Variants in MAST4 observed in about 807,000 individuals in gnomAD.
The protein encoded by MAST4 is microtubule associated serine/threonine kinase family member 4, also known as microtubule-associated serine/threonine-protein kinase 4.
A neutral mutation model predicts 162.7 loss-of-function variants in MAST4; 89 were observed. That is an observed-to-expected ratio of 0.55 (90% CI 0.46 to 0.65). MAST4 has a LOEUF of 0.65. MAST4 is among the 30% of genes least tolerant of loss of function. MAST4 has a pLI of 0.00. For synonymous variants in MAST4, 1,479 were observed against 1,361.1 expected (o/e 1.09, Z -1.91); for missense variants, 3,153 against 3,374.0 (o/e 0.93, Z 1.62).
At chr5:66,610,577 G>A (rs1002302550) in intron 1 of MAST4, among the ~76,000 whole-genome samples, 16 of 152,194 alleles carry the variant, frequency 1.1e-4, no homozygotes, top group Non-Finnish European at 1.0e-4. Context: ...GGTGCAGTGC[G>A]GCCTCTAGCT....
chr5:66,862,305 G>A (rs1342562056), intron 3 of MAST4, among the ~76,000 whole-genome samples: 1 of 152,116 alleles, frequency 6.6e-6, no homozygotes, highest in Non-Finnish European at 1.5e-5. Context: ...TAGGTATCTT[G>A]TAATTTCACT....
chr5:66,670,284 G>A (rs1004204824), intron 1 of MAST4, among the ~76,000 whole-genome samples: 1 of 152,046 alleles, frequency 6.6e-6, no homozygotes, highest in African/African-American at 2.4e-5. Context: ...CTCTTCTCCG[G>A]TGGTACAAAT....
At chr5:67,075,340 CTTTTTGTATT>C (rs1365493118) in intron 5 of MAST4, among the ~76,000 whole-genome samples, 1 of 151,666 alleles carries the variant, frequency 6.6e-6, no homozygotes, top group African/African-American at 2.4e-5. Flanking sequence ...GCCTGGCTAA[CTTTTTGTATT>C]TTTTTGTAGA....
intron 4 of MAST4, among the ~76,000 whole-genome samples, chr5:67,042,043 T>G (rs1756805775): frequency 6.6e-6 from 1 of 152,216 alleles, no homozygotes; most frequent in African/African-American, 2.4e-5. Context: ...GGCTGCATTC[T>G]CTTAAGAAAC....
chr5:66,622,665 T>C (rs1297206190), intron 1 of MAST4, among the ~76,000 whole-genome samples: 2 of 152,134 alleles, frequency 1.3e-5, no homozygotes, highest in Non-Finnish European at 2.9e-5. Flanking sequence ...GGATGTGTAT[T>C]GAACATAAAC....
At chr5:66,646,569 G>A (rs191609686) in intron 1 of MAST4, among the ~76,000 whole-genome samples, 1 of 152,304 alleles carries the variant, frequency 6.6e-6, no homozygotes. Context: ...AGCTAGGATT[G>A]TAAGGAAGAA....
rs372070863 is a variant in MAST4, at chr5:67,130,249, G to T, written c.1785G>T (p.Arg595Ser). 1 of 1,613,534 alleles carries T rather than the reference G, an allele frequency of 6.2e-7. No homozygotes were observed. The highest frequency in any genetic ancestry group is 1.3e-5 in the African/African-American group (1 of 74,902). Residue 595 changes from arginine to serine, a missense_variant, in exon 15 of 29, where the codon AGG (arginine) becomes AGT (serine). Transcript: ENST00000403625. ...TTCGGCATAAAGAATCCCGGCAGAG[G>T]TTTGCCATGAAGAAGATTAATAAAC... is the stretch of plus-strand genomic sequence containing the variant. ...YFVRHKESRQ[R>S]FAMKKINKQN...
chr5:66,870,691 C>G (rs1760865932), intron 3 of MAST4: 1 of 448,892 alleles, frequency 2.2e-6, no homozygotes. Context: ...TGTCCCTCTC[C>G]CTTTTCTGAC....
chr5:66,623,011 G>A (rs1744177313), intron 1 of MAST4: 1 of 152,270 alleles, frequency 6.6e-6, no homozygotes, highest in Admixed American at 6.5e-5. Context: ...TATGGACTTT[G>A]TGCTACTATG....
intron 4 of MAST4, chr5:67,003,843 C>T (rs1751579615): frequency 6.6e-6 from 1 of 152,202 alleles, no homozygotes; most frequent in African/African-American, 2.4e-5. Context: ...CTCACCATTA[C>T]CTAGATCTGT....
At chr5:67,041,620 G>A (rs980235980) in intron 4 of MAST4, among the ~76,000 whole-genome samples, 8 of 152,096 alleles carry the variant, frequency 5.3e-5, no homozygotes, top group Admixed American at 6.6e-5. Flanking sequence ...ATAGCCCTCT[G>A]TGGTCATTGA....
At chr5:66,858,607 C>T (rs745740012) in intron 3 of MAST4, among the ~76,000 whole-genome samples, 8 of 152,052 alleles carry the variant, frequency 5.3e-5, no homozygotes, top group East Asian at 1.9e-4. Context: ...TTGTAGGGCA[C>T]GTCTCTTATT....
At chr5:67,023,568 G>A (rs73115757) in intron 4 of MAST4, among the ~76,000 whole-genome samples, 1 of 152,038 alleles carries the variant, frequency 6.6e-6, no homozygotes, top group African/African-American at 2.4e-5. Flanking sequence ...GTGGACCCTG[G>A]GTCCTATTAT....
intron 5 of MAST4, among the ~76,000 whole-genome samples, chr5:67,082,176 G>A (rs1357901532): frequency 7.1e-6 from 1 of 140,590 alleles, no homozygotes; most frequent in African/African-American, 2.7e-5. Flanking sequence ...TTGAGACGGA[G>A]TCTCACTCTG....
intron 3 of MAST4, among the ~76,000 whole-genome samples, chr5:66,899,076 A>G (rs1762853059): frequency 6.6e-6 from 1 of 152,164 alleles, no homozygotes; most frequent in Non-Finnish European, 1.5e-5. Context: ...TTTAGTCATA[A>G]TGCGCTTCAT....
intron 3 of MAST4, among the ~76,000 whole-genome samples, chr5:66,868,950 A>G (rs1760730051): frequency 6.6e-6 from 1 of 152,132 alleles, no homozygotes; most frequent in African/African-American, 2.4e-5. Flanking sequence ...AAATAAAATA[A>G]CATTTTCACC....
chr5:66,904,937 A>G (rs1300028516), intron 4 of MAST4, among the ~76,000 whole-genome samples: 1 of 152,054 alleles, frequency 6.6e-6, no homozygotes, highest in Non-Finnish European at 1.5e-5. Flanking sequence ...TCCCTGCACT[A>G]ATAGACCTAG....
intron 1 of MAST4, among the ~76,000 whole-genome samples, chr5:66,744,090 T>G (rs1452976553): frequency 1.3e-5 from 2 of 152,198 alleles, no homozygotes; most frequent in Non-Finnish European, 2.9e-5. Context: ...TCATGTTTTC[T>G]GGTTATTTTT....
intron 4 of MAST4, among the ~76,000 whole-genome samples, chr5:66,914,089 T>C (rs59864978): frequency 0.13 from 19,475 of 152,130 alleles, 1,522 homozygotes; most frequent in African/African-American, 0.2. Context: ...TTCAAAGTTG[T>C]TTTGGCTGTT....
Sources: gnomAD v4.1 joint callset for allele counts (sites outside exome capture counted in the v4.1 genomes callset) on GRCh38, gnomAD v4.1.1 for gene constraint, MANE v1.5 for transcripts, NCBI Gene and HGNC (gene_info 2026-07-23, HGNC 2026-07-21) for gene names.